PON3: variants seen among roughly 807,000 people sequenced by gnomAD.
The protein encoded by PON3 is serum paraoxonase/lactonase 3.
A neutral mutation model predicts 36.3 loss-of-function variants in PON3; 37 were observed. The observed-to-expected ratio is 1.02, with a 90% CI of 0.78 to 1.34. PON3 has a LOEUF of 1.34. Ranked by LOEUF, PON3 falls within the 40% of genes most tolerant of loss-of-function variation. The probability of loss-of-function intolerance (pLI) is 0.00; values close to 1 mark genes in which losing one functional copy is unlikely to be tolerated. For synonymous variants in PON3, 155 were observed against 154.8 expected, an observed-to-expected ratio of 1.00 and a Z score of -0.01; for missense variants, 415 against 426.5, an observed-to-expected ratio of 0.97 and a Z score of 0.24.
At chr7:95,394,838 CAAGT>C (rs1448993870) in intron 1 of PON3, 124 bp from the exon 2 acceptor site, 2 of 789,458 alleles carry the variant, frequency 2.5e-6, no homozygotes, top group African/African-American at 3.4e-5. Context: ...AATGACATAA[CAAGT>C]AAGTAGGTAC....
chr7:95,371,619 C>T (rs757398738), intron 4 of PON3, among the ~76,000 whole-genome samples: 1 of 152,038 alleles, frequency 6.6e-6, no homozygotes, highest in Non-Finnish European at 1.5e-5. Context: ...TAGGTAGATA[C>T]TTTGTCCATT....
At chr7:95,361,483 T>A (rs190786195) in intron 8 of PON3, among the ~76,000 whole-genome samples, 1 of 152,276 alleles carries the variant, frequency 6.6e-6, no homozygotes, top group Admixed American at 6.5e-5. Context: ...GACCTGCTCA[T>A]CCTGCTGCAT....
chr7:95,364,436 C>T (rs1808645793), intron 5 of PON3: 6 of 310,646 alleles, frequency 1.9e-5, no homozygotes, highest in South Asian at 1.9e-4. Flanking sequence ...TTCCCCATCC[C>T]CTTGCAGTTA....
intron 2 of PON3, among the ~76,000 whole-genome samples, chr7:95,393,645 T>C (rs564674903): frequency 4.6e-5 from 7 of 152,240 alleles, no homozygotes; most frequent in African/African-American, 1.4e-4. Flanking sequence ...GTTCCTGGAT[T>C]TTGAACTGAA....
intron 3 of PON3, among the ~76,000 whole-genome samples, chr7:95,381,702 G>A (rs1809058714): frequency 6.6e-6 from 1 of 152,138 alleles, no homozygotes; most frequent in African/African-American, 2.4e-5. Context: ...GATTCATAAA[G>A]CAAGTCCTTA....
At chr7:95,395,836 A>C in intron 1 of PON3, 1 of 250,690 alleles carries the variant, frequency 4.0e-6, no homozygotes, top group Non-Finnish European at 7.9e-6. Context: ...TCCATAACCC[A>C]GTACTTCTGC....
chr7:95,390,887 C>A (rs1222537849), intron 2 of PON3, among the ~76,000 whole-genome samples: 5 of 152,130 alleles, frequency 3.3e-5, no homozygotes, highest in African/African-American at 1.2e-4. Context: ...GCACGACAGG[C>A]CCCATGCATC....
intron 3 of PON3, among the ~76,000 whole-genome samples, chr7:95,382,509 G>T (rs1453270203): frequency 3.3e-5 from 5 of 152,158 alleles, no homozygotes; most frequent in Non-Finnish European, 5.9e-5. Context: ...AATAAAAAAT[G>T]ATAAAGGGGA....
intron 3 of PON3, among the ~76,000 whole-genome samples, chr7:95,377,283 C>G (rs1808941195): frequency 6.6e-6 from 1 of 152,164 alleles, no homozygotes; most frequent in African/African-American, 2.4e-5. Context: ...CAGGGCAGAG[C>G]CCACCACAGC....
chr7:95,383,133 C>T (rs975405660), intron 3 of PON3, among the ~76,000 whole-genome samples: 10 of 152,062 alleles, frequency 6.6e-5, no homozygotes, highest in South Asian at 4.2e-4. Context: ...GCAGAAAAGG[C>T]CTTCGACAAA....
At chr7:95,381,421 A>G (rs369681909) in intron 3 of PON3, among the ~76,000 whole-genome samples, 139 of 152,316 alleles carry the variant, frequency 9.1e-4, no homozygotes, top group African/African-American at 3.3e-3. Context: ...TTGGATAAAG[A>G]GTCAAGACCC....
chr7:95,364,357 C>A, intron 5 of PON3: 1 of 437,364 alleles, frequency 2.3e-6, no homozygotes, highest in Non-Finnish European at 4.2e-6. Context: ...AAATGTTGAT[C>A]ATGGTTATCT....
intron 3 of PON3, among the ~76,000 whole-genome samples, chr7:95,384,785 G>A (rs962229625): frequency 6.6e-6 from 1 of 152,216 alleles, no homozygotes; most frequent in Admixed American, 6.5e-5. Context: ...GGAAGACAGT[G>A]TGGCGATTCC....
intron 3 of PON3, among the ~76,000 whole-genome samples, chr7:95,385,341 T>A (rs1809164112): frequency 6.6e-6 from 1 of 152,060 alleles, no homozygotes; most frequent in Admixed American, 6.6e-5. Flanking sequence ...ACCCTAGAAC[T>A]TAAAGTATAA....
intron 3 of PON3, among the ~76,000 whole-genome samples, chr7:95,373,988 C>T (rs1808864129): frequency 6.6e-6 from 1 of 152,094 alleles, no homozygotes. Flanking sequence ...GGAGTGCAAA[C>T]CCTATTGTGA....
chr7:95,391,664 A>G (rs1171932250), intron 2 of PON3, among the ~76,000 whole-genome samples: 1 of 152,242 alleles, frequency 6.6e-6, no homozygotes, highest in Admixed American at 6.5e-5. Flanking sequence ...GTTACAGCCT[A>G]CTATACCCTA....
At chr7:95,387,760 G>C (rs1809229929) in intron 3 of PON3, among the ~76,000 whole-genome samples, 1 of 152,170 alleles carries the variant, frequency 6.6e-6, no homozygotes, top group African/African-American at 2.4e-5. Flanking sequence ...AACCAAAACA[G>C]CATGGTACTG....
chr7:95,365,529 T>G (rs1808671483), intron 5 of PON3: 1 of 152,272 alleles, frequency 6.6e-6, no homozygotes, highest in Non-Finnish European at 1.5e-5. Flanking sequence ...TTACGCTGAT[T>G]ACTGGAGGAT....
intron 8 of PON3, among the ~76,000 whole-genome samples, chr7:95,361,401 TCA>T (rs370047486): frequency 7.9e-5 from 12 of 152,274 alleles, no homozygotes; most frequent in African/African-American, 2.9e-4. Flanking sequence ...AAATGTGGAT[TCA>T]CACATTTTAA....
Sources: gnomAD v4.1 joint callset for allele counts (sites outside exome capture counted in the v4.1 genomes callset) on GRCh38, gnomAD v4.1.1 for gene constraint, MANE v1.5 for transcripts, NCBI Gene and HGNC (gene_info 2026-07-23, HGNC 2026-07-21) for gene names.